The following ASH1L variants were observed in gnomAD, a reference collection of about 807,000 sequenced individuals.
The protein encoded by ASH1L is ASH1 like histone lysine methyltransferase.
A neutral mutation model predicts 269.0 loss-of-function variants in ASH1L; 23 were observed. The observed-to-expected ratio is 0.09, with a 90% CI of 0.06 to 0.12. The LOEUF (loss-of-function observed/expected upper bound fraction) is 0.12, where lower values mean the gene tolerates loss of function less well. ASH1L is among the 10% of genes least tolerant of loss of function. The pLI is 1.00. For synonymous variants in ASH1L, 1,187 were observed against 1,253.5 expected (o/e 0.95, Z 1.12); for missense variants, 2,912 against 3,567.8 (o/e 0.82, Z 4.68).
intron 1 of ASH1L, among the ~76,000 whole-genome samples, chr1:155,543,742 G>A (rs961868642): frequency 5.9e-5 from 9 of 151,672 alleles, no homozygotes; most frequent in African/African-American, 2.2e-4. Flanking sequence ...GACAAGCCTG[G>A]GCAACATAGT....
intron 2 of ASH1L, 71 bp from the exon 3 acceptor site, chr1:155,482,520 C>T: frequency 6.9e-7 from 1 of 1,452,216 alleles, no homozygotes; most frequent in Non-Finnish European, 9.3e-7. Context: ...CTTAACAATC[C>T]AACAAACTAA....
intron 12 of ASH1L, among the ~76,000 whole-genome samples, chr1:155,362,209 T>C (rs1272490379): frequency 2.6e-5 from 4 of 151,946 alleles, no homozygotes; most frequent in Non-Finnish European, 5.9e-5. Flanking sequence ...TACTTTTTCA[T>C]ATTTTTAGTA....
intron 1 of ASH1L, among the ~76,000 whole-genome samples, chr1:155,541,506 A>G (rs1356970658): frequency 2.0e-5 from 3 of 152,172 alleles, no homozygotes; most frequent in African/African-American, 7.2e-5. Context: ...CAAAAAAATT[A>G]GAATAGCTTC....
chr1:155,535,418 G>A (rs1316233038), intron 1 of ASH1L, among the ~76,000 whole-genome samples: 1 of 151,986 alleles, frequency 6.6e-6, no homozygotes, highest in Non-Finnish European at 1.5e-5. Flanking sequence ...GTTTTCCTTT[G>A]TGATCTTTAT....
At chr1:155,385,494 A>G (rs1365100754) in intron 7 of ASH1L, among the ~76,000 whole-genome samples, 2 of 152,126 alleles carry the variant, frequency 1.3e-5, no homozygotes, top group East Asian at 3.9e-4. Context: ...ATCTTCTTCT[A>G]TTTCTTGATT....
chr1:155,465,979 C>G (rs1452733774), intron 3 of ASH1L, among the ~76,000 whole-genome samples: 1 of 152,154 alleles, frequency 6.6e-6, no homozygotes, highest in Non-Finnish European at 1.5e-5. Context: ...ATACAGAAAG[C>G]AATACATTTT....
chr1:155,549,556 C>T (rs531341193), intron 1 of ASH1L, among the ~76,000 whole-genome samples: 20 of 144,666 alleles, frequency 1.4e-4, no homozygotes, highest in South Asian at 2.2e-4. Context: ...ACCCAGGAAG[C>T]GGAGGTTGCA....
At chr1:155,361,576 ATAC>A (rs1407519163) in intron 12 of ASH1L, among the ~76,000 whole-genome samples, 2 of 144,374 alleles carry the variant, frequency 1.4e-5, no homozygotes, top group East Asian at 4.1e-4. Context: ...GCATGTGCCT[ATAC>A]TCCCAGCTAC....
chr1:155,409,174 T>C (rs779648362), intron 6 of ASH1L, among the ~76,000 whole-genome samples: 11 of 151,982 alleles, frequency 7.2e-5, no homozygotes, highest in South Asian at 2.1e-4. Flanking sequence ...ACAGGTTGCA[T>C]GTCACCAGGC....
At chr1:155,499,700 T>A (rs963890580) in intron 2 of ASH1L, among the ~76,000 whole-genome samples, 1 of 152,166 alleles carries the variant, frequency 6.6e-6, no homozygotes, top group African/African-American at 2.4e-5. Flanking sequence ...CTGGAGTGAT[T>A]TACAATCATT....
Position 155,380,052 on chromosome 1 carries a change from T to C in ASH1L, c.6168A>G (p.Lys2056=). 1.2e-6 allele frequency: 2 copies of C among 1,611,702 alleles called. No homozygotes were observed. Among genetic ancestry groups the C allele is most frequent in the East Asian group, 2.2e-5 (1 of 44,802 alleles). Residue 2056 remains lysine (K), a synonymous_variant, in exon 8 of 28, where the codon AAA becomes AAG. Coordinates refer to ENST00000392403, the MANE Select transcript of ASH1L (RefSeq NM_018489.3). ...QLPYDILWQW[K]HNQLYKKPDV... is the part of the protein sequence containing the mutation. ...AACAGGCTCTCTGTACCTGATTGTGTTTCCACTGCCAAAGGATATCATAAG... is the reference window on the plus strand; with the variant it reads ...AACAGGCTCTCTGTACCTGATTGTGCTTCCACTGCCAAAGGATATCATAAG...
intron 12 of ASH1L, among the ~76,000 whole-genome samples, chr1:155,367,960 G>C (rs1410216857): frequency 6.6e-6 from 1 of 151,978 alleles, no homozygotes; most frequent in African/African-American, 2.4e-5. Context: ...TAGTTTTATA[G>C]AAGCAAAGAG....
At chr1:155,441,185 T>A (rs1047139934) in intron 4 of ASH1L, among the ~76,000 whole-genome samples, 1 of 152,156 alleles carries the variant, frequency 6.6e-6, no homozygotes, top group Non-Finnish European at 1.5e-5. Flanking sequence ...CAAGTTGTAG[T>A]CTAGTCCCTC....
chr1:155,341,175 C>T (rs1249696589), intron 25 of ASH1L, among the ~76,000 whole-genome samples: 2 of 132,228 alleles, frequency 1.5e-5, no homozygotes, highest in African/African-American at 2.9e-5. Flanking sequence ...TTTCAATGTT[C>T]ACAATTTTTT....
At chr1:155,546,621 G>A (rs1670842537) in intron 1 of ASH1L, among the ~76,000 whole-genome samples, 2 of 151,838 alleles carry the variant, frequency 1.3e-5, no homozygotes, top group Non-Finnish European at 2.9e-5. Flanking sequence ...AGCTGGGCAT[G>A]CTGGCACATG....
intron 1 of ASH1L, among the ~76,000 whole-genome samples, chr1:155,536,401 C>T (rs1422230092): frequency 6.6e-6 from 1 of 152,172 alleles, no homozygotes; most frequent in East Asian, 1.9e-4. Flanking sequence ...TTGAAAAGAT[C>T]ATCTGCTACT....
intron 4 of ASH1L, among the ~76,000 whole-genome samples, chr1:155,459,303 C>T (rs916334769): frequency 6.6e-6 from 1 of 152,080 alleles, no homozygotes; most frequent in Non-Finnish European, 1.5e-5. Context: ...TCAAGAGATT[C>T]TCCTGCCTCA....
At chr1:155,548,531 G>A (rs59913551) in intron 1 of ASH1L, among the ~76,000 whole-genome samples, 8,505 of 152,134 alleles carry the variant, frequency 0.056, 803 homozygotes, top group African/African-American at 0.2. Context: ...TCAAACAAAA[G>A]AGAGATAAAA....
intron 3 of ASH1L, among the ~76,000 whole-genome samples, chr1:155,475,593 T>C (rs1665478463): frequency 6.6e-6 from 1 of 152,194 alleles, no homozygotes; most frequent in Non-Finnish European, 1.5e-5. Flanking sequence ...CCATTATTTA[T>C]TTGCTTATCA....
Sources: allele counts gnomAD v4.1 joint callset (sites outside exome capture counted in the v4.1 genomes callset), GRCh38; gene constraint gnomAD v4.1.1; transcripts MANE v1.5; gene names NCBI Gene and HGNC (gene_info 2026-07-23, HGNC 2026-07-21).